The following CAPS2 variants were observed in gnomAD, a reference collection of about 807,000 sequenced individuals.
CAPS2 encodes the protein calcyphosin-2.
CAPS2 carries 98 observed loss-of-function variants against 86.5 expected under a neutral mutation model. The ratio of observed to expected loss-of-function variants is 1.13; its 90% confidence interval spans 0.96 to 1.34. The LOEUF (loss-of-function observed/expected upper bound fraction) is 1.34. CAPS2 is among the 40% of genes most tolerant of loss of function. The pLI, the probability that CAPS2 is intolerant of heterozygous loss-of-function variation, is 0.00. For synonymous variants in CAPS2, 210 were observed against 225.1 expected, an observed-to-expected ratio of 0.93 and a Z score of 0.60; for missense variants, 729 against 686.8, an observed-to-expected ratio of 1.06 and a Z score of -0.69.
In CAPS2 at chr12:75,351,917, C is replaced by T. The variant is rs559089646; in HGVS notation, c.-394-28695G>A. Among the ~76,000 whole-genome samples the T allele has an allele frequency of 1.9e-4, 29 of 152,102 alleles. No homozygotes were observed. The South Asian group carries it at 5.0e-3, about 26-fold the overall frequency. On this transcript the variant is annotated intron_variant, in intron 1 of 5. Transcript: ENST00000551829. ...ATATCCAGCCAAACAACATCATAAG[C>T]GAAGGAGAAATGAGATTTTTTTTCA... is the stretch of plus-strand genomic sequence containing the variant.
chr12:75,375,991 A>C (rs2044627207), intron 1 of CAPS2, among the ~76,000 whole-genome samples: 1 of 152,208 alleles, frequency 6.6e-6, no homozygotes. Context: ...CTGTTTTGCA[A>C]GGTATTGGTG....
At chr12:75,325,090 A>G in intron 2 of CAPS2, 149 bp downstream of exon 3, 2 of 520,780 alleles carry the variant, frequency 3.8e-6, no homozygotes, top group Non-Finnish European at 6.3e-6. Flanking sequence ...ATTTTGGTAT[A>G]GTAATTTTCA....
intron 8 of CAPS2, among the ~76,000 whole-genome samples, chr12:75,303,758 T>C (rs571582077): frequency 1.3e-5 from 2 of 152,310 alleles, no homozygotes; most frequent in East Asian, 3.9e-4. Flanking sequence ...TTAAGAACAT[T>C]AAAATGGAGA....
Position 75,283,979 on chromosome 12 carries a change from G to A in CAPS2, c.1515+982C>T, listed in dbSNP as rs2034438044. Among the ~76,000 whole-genome samples, 4 of 152,100 alleles carry A rather than the reference G, an allele frequency of 2.6e-5. No homozygotes were observed. The South Asian group carries it at 8.3e-4, about 32-fold the overall frequency. On this transcript the variant is annotated intron_variant, in intron 15 of 16. Coordinates refer to ENST00000393284, the Ensembl canonical transcript of CAPS2. ...GAACTTCTAACCTCCAGAGCTATGA[G>A]ACAATAAATTTCTATTATTTCAGTC...
chr12:75,291,848 A>AAT (rs747003889), intron 12 of CAPS2, 28 bp from the exon 13 acceptor site: 108 of 1,128,974 alleles, frequency 9.6e-5, no homozygotes, highest in East Asian at 4.0e-4. Context: ...ACAGGGATGA[A>AAT]ATATATATAT....
chr12:75,364,493 G>A (rs909483228), intron 1 of CAPS2, among the ~76,000 whole-genome samples: 2 of 152,214 alleles, frequency 1.3e-5, no homozygotes, highest in Non-Finnish European at 2.9e-5. Flanking sequence ...AAGGGACCTA[G>A]ATCCAAAAAC....
At chr12:75,276,937 A>C (rs1268915009), downstream of CAPS2, 1 of 984,576 alleles carries the variant, frequency 1.0e-6, no homozygotes, top group Admixed American at 6.2e-5. Flanking sequence ...GATGTTTGAA[A>C]TGTCACTTCT....
Position 75,384,009 on chromosome 12 carries a change from T to C in CAPS2, c.-395+6829A>G, listed in dbSNP as rs186572611. Among the ~76,000 whole-genome samples, 18 of 152,268 alleles carry C rather than the reference T, an allele frequency of 1.2e-4. 1 individual carries two copies. The highest frequency in any genetic ancestry group is 9.8e-4 in the Admixed American group (15 of 15,296). On this transcript the variant is annotated intron_variant, in intron 1 of 5. Coordinates refer to the CAPS2 transcript ENST00000551829. ...AAACAACTTGGCAAAATTTGTGGGA[T>C]GCAGCAAAGCATTGCTTAGAGGTAA...
At chr12:75,323,261 A>G (rs1239183245) in intron 2 of CAPS2, 39 bp from the exon 4 acceptor site, 1 of 1,477,786 alleles carries the variant, frequency 6.8e-7, no homozygotes. Context: ...ACTTTTTAAC[A>G]TGAAACTTTA....
intron 8 of CAPS2, among the ~76,000 whole-genome samples, chr12:75,300,166 C>CTATT (rs2037571810): frequency 6.6e-6 from 1 of 152,042 alleles, no homozygotes; most frequent in South Asian, 2.1e-4. Context: ...AAAGTAAATA[C>CTATT]TGAATAGAGA....
rs144094329 is a variant in CAPS2 at position 75,308,890 on chromosome 12, G to A, written c.659+3958C>T. On this transcript the variant is annotated intron_variant, in intron 7 of 16. Coordinates refer to ENST00000393284, the Ensembl canonical transcript of CAPS2. ...TACACTCCAGCCTGGGCGACAGAGC[G>A]AGACTCGGTCTCAAAAAAAAAAAAA... Among the ~76,000 whole-genome samples the A allele has an allele frequency of 8.6e-3, 1,032 of 119,628 alleles. 17 individuals are homozygous for A. The highest frequency in any genetic ancestry group is 0.033 in the African/African-American group (989 of 29,726). The allele number at this position is 119,628 out of a possible 152,430, so 78.5% of individuals were successfully genotyped here. A position where few individuals can be genotyped will look rare whatever the true frequency, so the allele number is the denominator to read the frequency against.
At chr12:75,298,122 G>A (rs11609106) in intron 11 of CAPS2, 255 of 153,358 alleles carry the variant, frequency 1.7e-3, no homozygotes, top group Non-Finnish European at 2.6e-3. Context: ...TTTTACTCAC[G>A]ATATAAAGTG....
At chr12:75,282,219 A>C in intron 16 of CAPS2, 32 bp downstream of exon 16, 1 of 1,110,118 alleles carries the variant, frequency 9.0e-7, no homozygotes, top group East Asian at 2.4e-5. Context: ...AACATTTTCA[A>C]AGTCCAATGC....
At chr12:75,373,030 A>G (rs1051636000) in intron 1 of CAPS2, among the ~76,000 whole-genome samples, 2 of 152,204 alleles carry the variant, frequency 1.3e-5, no homozygotes, top group Admixed American at 6.5e-5. Flanking sequence ...AGGCAGTCCA[A>G]TGTAATCAAC....
At chr12:75,316,189 A>T in intron 6 of CAPS2, 123 bp downstream of exon 6, 1 of 1,196,888 alleles carries the variant, frequency 8.4e-7, no homozygotes, top group Non-Finnish European at 1.1e-6. Flanking sequence ...ATTTTCCATT[A>T]ATGAATATTC....
intron 1 of CAPS2, among the ~76,000 whole-genome samples, chr12:75,340,503 G>A (rs898540930): frequency 6.6e-5 from 10 of 151,484 alleles, no homozygotes; most frequent in African/African-American, 2.4e-4. Context: ...CTCAGGACAG[G>A]GCTAGATGAA....
chr12:75,294,312 T>C (rs961463670), intron 11 of CAPS2, among the ~76,000 whole-genome samples: 2 of 152,168 alleles, frequency 1.3e-5, no homozygotes, highest in African/African-American at 4.8e-5. Flanking sequence ...GTCCCTCCCC[T>C]CCATTTTCTC....
At chr12:75,289,871 C>A in intron 13 of CAPS2, 96 bp from the exon 14 acceptor site, 2 of 856,552 alleles carry the variant, frequency 2.3e-6, no homozygotes, top group Non-Finnish European at 3.6e-6. Context: ...GTTGATGTAA[C>A]TGAAATAAGG....
intron 16 of CAPS2, among the ~76,000 whole-genome samples, chr12:75,279,790 T>A (rs1399618640): frequency 6.6e-6 from 1 of 151,968 alleles, no homozygotes; most frequent in Non-Finnish European, 1.5e-5. Context: ...AATAATAAAA[T>A]GAAGTTTTAA....
Sources: allele counts gnomAD v4.1 joint callset (sites outside exome capture counted in the v4.1 genomes callset), GRCh38; gene constraint gnomAD v4.1.1; transcripts MANE v1.5; gene names NCBI Gene and HGNC (gene_info 2026-07-23, HGNC 2026-07-21).